FABP6: variants seen among roughly 807,000 people sequenced by gnomAD.
The protein encoded by FABP6 is fatty acid binding protein 6, also known as gastrotropin.
Under a neutral mutation model 14.9 loss-of-function variants are expected in FABP6, and 13 were observed. That is an observed-to-expected ratio of 0.87 (90% CI 0.57 to 1.39). The LOEUF (loss-of-function observed/expected upper bound fraction) is 1.39, where lower values mean the gene tolerates loss of function less well. Ranked by LOEUF, FABP6 falls within the 40% of genes most tolerant of loss-of-function variation. FABP6 has a pLI of 0.00. For synonymous variants in FABP6, 75 were observed against 63.6 expected (o/e 1.18, Z -0.85); for missense variants, 161 against 167.2 (o/e 0.96, Z 0.20).
intron 3 of FABP6, among the ~76,000 whole-genome samples, chr5:160,215,542 G>T (rs1759991982): frequency 6.6e-6 from 1 of 151,770 alleles, no homozygotes; most frequent in Non-Finnish European, 1.5e-5. Flanking sequence ...GGTGACGGTG[G>T]CCAGGCATGG....
At chr5:160,195,867 T>C (rs888407716) in intron 1 of FABP6, 3 of 152,316 alleles carry the variant, frequency 2.0e-5, no homozygotes, top group African/African-American at 7.2e-5. Flanking sequence ...GGTTTCCGTG[T>C]GCTGTCTTCC....
At chr5:160,203,285 T>C (rs1289904334) in intron 2 of FABP6, among the ~76,000 whole-genome samples, 18 of 152,170 alleles carry the variant, frequency 1.2e-4, no homozygotes, top group Non-Finnish European at 2.6e-4. Context: ...CAAAGTTACA[T>C]TCCTTGTAGG....
At chr5:160,223,351 T>TTCCTTCCTTCCTTCCTTCCTTCCTTCCA (rs1370655300) in intron 3 of FABP6, among the ~76,000 whole-genome samples, 1 of 90,862 alleles carries the variant, frequency 1.1e-5, no homozygotes, top group Non-Finnish European at 2.1e-5. Flanking sequence ...CCTTCCTTCC[T>TTCCTTCCTTCCTTCCTTCCTTCCTTCCA]TCCTTCCTTC....
intron 2 of FABP6, among the ~76,000 whole-genome samples, chr5:160,212,635 A>AT (rs1759916144): frequency 6.6e-6 from 1 of 151,214 alleles, no homozygotes; most frequent in Non-Finnish European, 1.5e-5. Flanking sequence ...CGCCTGGCTA[A>AT]TTTTTTTGTA....
chr5:160,213,595 T>A, intron 2 of FABP6: 2 of 708,988 alleles, frequency 2.8e-6, no homozygotes, highest in Non-Finnish European at 5.0e-6. Flanking sequence ...ATAAATTTCT[T>A]TTTTGCTCAA....
At chr5:160,212,021 C>G (rs1385085243) in intron 2 of FABP6, among the ~76,000 whole-genome samples, 1 of 132,694 alleles carries the variant, frequency 7.5e-6, no homozygotes, top group Non-Finnish European at 1.5e-5. Context: ...CAGTCTCCCT[C>G]TTATCGCCCA....
intron 1 of FABP6, among the ~76,000 whole-genome samples, chr5:160,231,568 G>A (rs1760383632): frequency 6.6e-6 from 1 of 152,040 alleles, no homozygotes; most frequent in Admixed American, 6.6e-5. Flanking sequence ...TAATTTTTTT[G>A]TATTTTTAGT....
At chr5:160,229,881 ATTTTATT>A (rs1760336864) in intron 1 of FABP6, among the ~76,000 whole-genome samples, 1 of 58,594 alleles carries the variant, frequency 1.7e-5, no homozygotes, top group East Asian at 5.0e-4. Flanking sequence ...ATTTTATTTT[ATTTTATT>A]TTTGAGACAG....
intron 1 of FABP6, among the ~76,000 whole-genome samples, chr5:160,194,441 T>G (rs1294468145): frequency 6.6e-6 from 1 of 152,048 alleles, no homozygotes; most frequent in Non-Finnish European, 1.5e-5. Flanking sequence ...GCGAGGGCTG[T>G]GAGGACTGCC....
At chr5:160,222,157 A>G (rs953202746) in intron 3 of FABP6, among the ~76,000 whole-genome samples, 1 of 147,844 alleles carries the variant, frequency 6.8e-6, no homozygotes, top group African/African-American at 2.5e-5. Flanking sequence ...CAGTATTGCA[A>G]TCATAGCTCA....
chr5:160,219,979 A>G (rs1760098219), intron 3 of FABP6, among the ~76,000 whole-genome samples: 1 of 152,194 alleles, frequency 6.6e-6, no homozygotes, highest in Admixed American at 6.5e-5. Context: ...CCTATTCCAC[A>G]TAGATCTGAA....
At chr5:160,197,633 T>C (rs956602988) in intron 1 of FABP6, 19 of 152,214 alleles carry the variant, frequency 1.2e-4, no homozygotes, top group Admixed American at 1.1e-3. Flanking sequence ...GTCCTGTGCA[T>C]CTCTGGTCTC....
chr5:160,199,013 C>G, intron 1 of FABP6: 1 of 1,270,160 alleles, frequency 7.9e-7, no homozygotes. Flanking sequence ...GTCTCCAGAG[C>G]CCCTCCCAGC....
At chr5:160,233,428 A>G (rs1451272235) in intron 2 of FABP6, among the ~76,000 whole-genome samples, 2 of 152,172 alleles carry the variant, frequency 1.3e-5, no homozygotes, top group African/African-American at 4.8e-5. Context: ...TGAGCCTCAT[A>G]TCTCTAGTAT....
chr5:160,233,743 G>A (rs757770574), intron 2 of FABP6, among the ~76,000 whole-genome samples: 12 of 151,942 alleles, frequency 7.9e-5, no homozygotes, highest in Admixed American at 3.3e-4. Context: ...CGTGGTGGCC[G>A]GTGCCTGTAA....
At chr5:160,203,717 T>C (rs1759697386) in intron 2 of FABP6, among the ~76,000 whole-genome samples, 1 of 151,856 alleles carries the variant, frequency 6.6e-6, no homozygotes, top group Non-Finnish European at 1.5e-5. Context: ...TTTTTTTTTT[T>C]TGAGATGGAG....
At chr5:160,190,071 C>T (rs1274270171) in intron 1 of FABP6, among the ~76,000 whole-genome samples, 4 of 152,162 alleles carry the variant, frequency 2.6e-5, no homozygotes, top group African/African-American at 9.7e-5. Context: ...CATCTTCCTC[C>T]TTTCTCTCTG....
chr5:160,210,242 G>C (rs1045875543), intron 2 of FABP6, among the ~76,000 whole-genome samples: 2 of 152,226 alleles, frequency 1.3e-5, no homozygotes, highest in African/African-American at 4.8e-5. Flanking sequence ...TCTGTTCCTA[G>C]TTCTGGCACC....
chr5:160,207,723 C>CTT (rs139123590), intron 2 of FABP6, among the ~76,000 whole-genome samples: 5 of 124,330 alleles, frequency 4.0e-5, no homozygotes, highest in Non-Finnish European at 5.2e-5. Context: ...TCTTTACCTC[C>CTT]TTTTTTTTTT....
Sources: allele counts gnomAD v4.1 joint callset (sites outside exome capture counted in the v4.1 genomes callset), GRCh38; gene constraint gnomAD v4.1.1; transcripts MANE v1.5; gene names NCBI Gene and HGNC (gene_info 2026-07-23, HGNC 2026-07-21).